The following GLRA2 variants were observed in gnomAD, a reference collection of about 807,000 sequenced individuals.
GLRA2 encodes the protein glycine receptor alpha 2.
Under a neutral mutation model 31.6 loss-of-function variants are expected in GLRA2, and 11 were observed. The ratio of observed to expected loss-of-function variants is 0.35; its 90% CI spans 0.22 to 0.58. GLRA2 has a LOEUF of 0.58. GLRA2 is among the 20% of genes least tolerant of loss of function. GLRA2 has a pLI of 0.84. For missense variants in GLRA2, 212 were observed against 351.8 expected (o/e 0.60, Z 3.18); for synonymous variants, 132 against 134.0 (o/e 0.99, Z 0.10).
chrX:14,627,454 A>G (rs777258511), intron 7 of GLRA2, among the ~76,000 whole-genome samples: 103 of 111,691 alleles, frequency 9.2e-4, no homozygotes, highest in Non-Finnish European at 1.5e-3. Context: ...TTCCCATTTT[A>G]TAGTGACTAA....
chrX:14,597,072 T>A (rs113124936), intron 4 of GLRA2, among the ~76,000 whole-genome samples: 23,706 of 110,984 alleles, frequency 0.21, 2,185 homozygotes, highest in Non-Finnish European at 0.3. Flanking sequence ...TCACTTAAGG[T>A]CTAGGTGGGT....
chrX:14,666,394 AGTAATTTT>A (rs1306964122), intron 7 of GLRA2, among the ~76,000 whole-genome samples: 1 of 112,054 alleles, frequency 8.9e-6, no homozygotes, highest in Non-Finnish European at 1.9e-5. Flanking sequence ...CAAACCAAAC[AGTAATTTT>A]AAAGCAAGAA....
At chrX:14,480,411 T>A in the GLRA2 span, among the ~76,000 whole-genome samples, 5 of 112,031 alleles carry the variant, frequency 4.5e-5, no homozygotes, top group Non-Finnish European at 9.4e-5. Flanking sequence ...CAATTGCTTT[T>A]GAGGACTTAC....
the GLRA2 span, among the ~76,000 whole-genome samples, chrX:14,471,329 T>A: frequency 8.9e-6 from 1 of 111,854 alleles, no homozygotes; most frequent in African/African-American, 3.2e-5. Flanking sequence ...AACTGATATC[T>A]TAAACAAACA....
intron 2 of GLRA2, among the ~76,000 whole-genome samples, chrX:14,540,017 A>G (rs1245356446): frequency 3.6e-5 from 4 of 111,517 alleles, no homozygotes; most frequent in Non-Finnish European, 7.6e-5. Flanking sequence ...TTATTTTAAT[A>G]AATAATTAGT....
chrX:14,468,746 T>A, the GLRA2 span, among the ~76,000 whole-genome samples: 1 of 111,460 alleles, frequency 9.0e-6, no homozygotes, highest in African/African-American at 3.3e-5. Context: ...CCACACTGAC[T>A]TCCACAATGG....
At chrX:14,623,856 C>G (rs1303522525) in intron 7 of GLRA2, among the ~76,000 whole-genome samples, 63 of 111,466 alleles carry the variant, frequency 5.7e-4, no homozygotes, top group African/African-American at 1.4e-3. Flanking sequence ...GGATGATGCT[C>G]GCCTCATAAA....
intron 7 of GLRA2, among the ~76,000 whole-genome samples, chrX:14,681,209 TAA>T (rs1323788299): frequency 8.9e-6 from 1 of 112,170 alleles, no homozygotes; most frequent in Admixed American, 9.5e-5. Context: ...TTAGGCGAGC[TAA>T]GAGAATAAAA....
the GLRA2 span, among the ~76,000 whole-genome samples, chrX:14,461,947 T>A: frequency 8.9e-6 from 1 of 112,391 alleles, no homozygotes; most frequent in African/African-American, 3.2e-5. Flanking sequence ...ATAGCGTTGA[T>A]GGTCTTTACA....
chrX:14,449,201 A>G, the GLRA2 span, among the ~76,000 whole-genome samples: 11 of 111,974 alleles, frequency 9.8e-5, no homozygotes, highest in African/African-American at 3.6e-4. Flanking sequence ...GCAGACACCA[A>G]AATTGAAGAG....
intron 7 of GLRA2, among the ~76,000 whole-genome samples, chrX:14,627,873 C>T (rs770187833): frequency 8.9e-5 from 10 of 111,811 alleles, no homozygotes; most frequent in Non-Finnish European, 1.7e-4. Context: ...TATGGAAGAC[C>T]GTTTCGTTTT....
the GLRA2 span, among the ~76,000 whole-genome samples, chrX:14,477,494 A>G: frequency 1.9e-4 from 21 of 111,531 alleles, 1 homozygote; most frequent in Non-Finnish European, 5.7e-5. Context: ...TGGTCAGATA[A>G]TAAAAATCTA....
the GLRA2 span, among the ~76,000 whole-genome samples, chrX:14,482,973 A>G: frequency 9.0e-6 from 1 of 111,473 alleles, no homozygotes; most frequent in African/African-American, 3.3e-5. Flanking sequence ...CCATCCAGTT[A>G]TTTGCTATTA....
At position 14,602,534 on chromosome X, in the gene GLRA2, C is replaced by A. The variant is rs148166460; in HGVS notation, c.495-1781C>A. Among the ~76,000 whole-genome samples, 162 of 110,706 alleles carry A rather than the reference C, an allele frequency of 1.5e-3. 3 individuals are homozygous for A. The East Asian group carries it at 0.042, about 28-fold the overall frequency. ...GATTTTGGTGCACCCAGCACCTGAG[C>A]AGTATACACTGAACCCAATTTGTAA... is the stretch of plus-strand genomic sequence containing the variant. On this transcript the variant is annotated intron_variant, in intron 4 of 8. Transcript: ENST00000218075.
chrX:14,676,331 A>C (rs2091145722), intron 7 of GLRA2, among the ~76,000 whole-genome samples: 1 of 112,723 alleles, frequency 8.9e-6, no homozygotes, highest in South Asian at 3.6e-4. Context: ...GAATCATTCC[A>C]CTTAAAGAAG....
intron 7 of GLRA2, among the ~76,000 whole-genome samples, chrX:14,624,826 G>T (rs1211257940): frequency 3.6e-5 from 4 of 112,002 alleles, no homozygotes; most frequent in South Asian, 3.8e-4. Flanking sequence ...TGTATATTCT[G>T]CTGATTTGGG....
At chrX:14,559,115 A>G (rs749491244) in intron 2 of GLRA2, among the ~76,000 whole-genome samples, 1 of 111,925 alleles carries the variant, frequency 8.9e-6, no homozygotes, top group African/African-American at 3.3e-5. Context: ...GTGAGCCACC[A>G]CAACCCATCT....
At chrX:14,545,773 T>C (rs2089471283) in intron 2 of GLRA2, among the ~76,000 whole-genome samples, 1 of 111,343 alleles carries the variant, frequency 9.0e-6, no homozygotes, top group Non-Finnish European at 1.9e-5. Context: ...TCATTAGATA[T>C]TGGGGTATGA....
At chrX:14,706,844 T>C (rs1196679704) in intron 8 of GLRA2, among the ~76,000 whole-genome samples, 1 of 112,255 alleles carries the variant, frequency 8.9e-6, no homozygotes, top group South Asian at 3.7e-4. Context: ...AACTTCATTC[T>C]GGAAAGCACA....
Sources: gnomAD v4.1 joint callset for allele counts (sites outside exome capture counted in the v4.1 genomes callset) on GRCh38, gnomAD v4.1.1 for gene constraint, MANE v1.5 for transcripts, NCBI Gene and HGNC (gene_info 2026-07-23, HGNC 2026-07-21) for gene names.